The following RPS3 variants were observed in gnomAD, a reference collection of about 807,000 sequenced individuals.
RPS3 encodes ribosomal protein S3.
RPS3 carries 2 observed loss-of-function variants against 25.8 expected under a neutral mutation model. The observed-to-expected ratio is 0.08, with a 90% CI of 0.03 to 0.24. RPS3 has a LOEUF of 0.24. Among genes scored for constraint, RPS3 ranks in the 10% least tolerant of loss-of-function variants. The probability of loss-of-function intolerance (pLI) is 1.00; values close to 1 mark genes in which losing one functional copy is unlikely to be tolerated. For synonymous variants in RPS3, 114 were observed against 114.2 expected (o/e 1.00, Z 0.01); for missense variants, 107 against 307.1 (o/e 0.35, Z 4.87).
At chr11:75,401,906 A>T in intron 3 of RPS3, 173 bp downstream of exon 3, 2 of 591,392 alleles carry the variant, frequency 3.4e-6, no homozygotes, top group South Asian at 4.3e-5. Flanking sequence ...CTAATGGCTG[A>T]TGGTTAAAGG....
At chr11:75,403,748 GGTTTCTTT>G in intron 4 of RPS3, 1 of 336,894 alleles carries the variant, frequency 3.0e-6, no homozygotes, top group Non-Finnish European at 5.4e-6. Context: ...TAGATGTCAG[GGTTTCTTT>G]TGTTTTTTAT....
chr11:75,404,342 G>A lies in RPS3; in HGVS notation c.538+135G>A, dbSNP rs1592024026. 1.6e-5 allele frequency: 14 copies of A among 879,456 alleles called. No individual in the cohort carries two copies. The East Asian group carries it at 2.4e-4, about 15-fold the overall frequency. The allele number at this position is 879,456 out of a possible 1,614,324, so 54.5% of individuals were successfully genotyped here. A position where few individuals can be genotyped will look rare whatever the true frequency, so the allele number is the denominator to read the frequency against. ...TATTCCTTGGTGTATCGATTGCCAC[G>A]TTGATCTGTAAGAATCGATTTGCTG... On this transcript the variant is annotated intron_variant, in intron 5 of 6. Coordinates refer to ENST00000531188, the MANE Select transcript of RPS3 (RefSeq NM_001005.5). This position sits in a 1 kb window ranked among gnomAD's most constrained non-coding sequence, Gnocchi z 4.6.
At chr11:75,407,815 C>T (rs780767944), downstream of RPS3, among the ~76,000 whole-genome samples, 7 of 152,126 alleles carry the variant, frequency 4.6e-5, no homozygotes, top group South Asian at 2.1e-4. Context: ...TGTACTGTGC[C>T]GTATATTAGA....
intron 1 of RPS3, 187 bp from the exon 2 acceptor site, chr11:75,400,507 A>G (rs754720594): frequency 6.0e-6 from 5 of 826,916 alleles, no homozygotes; most frequent in Non-Finnish European, 1.0e-5. Context: ...GTAATTTCCT[A>G]AAGATGACTT....
At chr11:75,399,948 A>G (rs1475283587) in intron 1 of RPS3, 3 of 342,182 alleles carry the variant, frequency 8.8e-6, no homozygotes, top group Non-Finnish European at 1.1e-5. Flanking sequence ...TTCTTGCCTT[A>G]ACTGGTCGTT....
chr11:75,422,206 G>A, exon 7 of RPS3: 1 of 172,682 alleles, frequency 5.8e-6, no homozygotes, highest in Non-Finnish European at 1.2e-5. Context: ...TATTTAGGAA[G>A]CAGAGAGCCC....
Position 75,404,035 on chromosome 11 carries a change from G to C in RPS3, c.366G>C (p.Val122=), listed in dbSNP as rs371917914. The C allele has an allele frequency of 6.2e-7, 1 of 1,612,528 alleles. No homozygotes were observed. The highest frequency in any genetic ancestry group is 1.7e-5 in the Admixed American group (1 of 59,994). The change falls in exon 5 of 7, where the codon GTG becomes GTC. Residue 122 remains valine (V), a synonymous_variant. Transcript: ENST00000531188. The surrounding 1 kb of genome is among the most constrained non-coding windows in gnomAD (Gnocchi z 4.6). ...GLAVRRACYG[V]LRFIMESGAK... is the part of the protein sequence containing the mutation. ...TCTTTTAAAGGGCCTGCTATGGTGT[G>C]CTGCGGTTCATCATGGAGAGTGGGG...
chr11:75,404,901 A>G lies in RPS3; in HGVS notation c.*3+33A>G, dbSNP rs1948263199. ...TGCAAGGGCAGGGGCCTCTTGGGGC[A>G]TAATAGGGTCCTTCCGAGTCTTTCT... On this transcript the variant is annotated intron_variant, in intron 6 of 6. Transcript: ENST00000531188. This position sits in a 1 kb window ranked among gnomAD's most constrained non-coding sequence, Gnocchi z 4.6. 7.0e-7 allele frequency: 1 copy of G among 1,430,190 alleles called. No individual in the cohort carries two copies. The highest frequency in any genetic ancestry group is 9.5e-7 in the Non-Finnish European group (1 of 1,048,072). 88.6% of individuals were successfully genotyped at this position (1,430,190 alleles called of 1,614,324 possible).
rs11546234 is a variant in RPS3, at chr11:75,402,367, G to T, written c.271G>T (p.Val91Leu). The change falls in exon 4 of 7, where the codon GTG becomes TTG. Residue 91 changes from valine (V) to leucine (L), a missense_variant. Val to Leu is a conservative substitution (Grantham distance 32, BLOSUM62 1). Transcript: ENST00000531188. ...TCCTTTAAAGCTTTATGCTGAAAAGGTGGCCACTAGAGGTCTGTGTGCCAT... is the reference window on the plus strand; with the variant it reads ...TCCTTTAAAGCTTTATGCTGAAAAGTTGGCCACTAGAGGTCTGTGTGCCAT... ...EGSVELYAEK[V>L]ATRGLCAIAQ... The T allele has an allele frequency of 6.2e-7, 1 of 1,613,876 alleles. No individual in the cohort carries two copies. The highest frequency in any genetic ancestry group is 1.3e-5 in the African/African-American group (1 of 75,062).
At chr11:75,413,303 C>T (rs952393595) in intron 6 of RPS3, among the ~76,000 whole-genome samples, 3 of 151,788 alleles carry the variant, frequency 2.0e-5, no homozygotes, top group South Asian at 4.1e-4. Flanking sequence ...TGCGGTGGTG[C>T]GATCTCGACT....
intron 6 of RPS3, among the ~76,000 whole-genome samples, chr11:75,419,846 C>T (rs1948428360): frequency 6.6e-6 from 1 of 152,152 alleles, no homozygotes; most frequent in South Asian, 2.1e-4. Flanking sequence ...GTTAGCCAGG[C>T]TGGTCTTGAA....
At position 75,405,777 on chromosome 11, in the gene RPS3, T is replaced by G. The variant is rs1420389612; in HGVS notation, c.*167T>G. Reference sequence around the variant, plus strand: ...ATATCTTCTTGGTTTTAACCATACTTGTGGTATTTGCAAGGGCCAGAACAG... The same window carrying G: ...ATATCTTCTTGGTTTTAACCATACTGGTGGTATTTGCAAGGGCCAGAACAG... On this transcript the variant is annotated 3_prime_UTR_variant, in exon 7 of 7. Coordinates refer to ENST00000531188, the MANE Select transcript of RPS3 (RefSeq NM_001005.5). 7.6e-6 allele frequency: 3 copies of G among 392,938 alleles called. No homozygotes were observed. The highest frequency in any genetic ancestry group is 6.3e-5 in the African/African-American group (3 of 47,494). The allele number at this position is 392,938 out of a possible 1,614,324, so 24.3% of individuals were successfully genotyped here.
chr11:75,402,584 T>A, intron 4 of RPS3, 138 bp downstream of exon 4: 3 of 860,280 alleles, frequency 3.5e-6, no homozygotes. Flanking sequence ...AGATACTAAG[T>A]CATGCCCTCA....
At chr11:75,407,591 C>T (rs1172292603), downstream of RPS3, among the ~76,000 whole-genome samples, 1 of 152,210 alleles carries the variant, frequency 6.6e-6, no homozygotes, top group Non-Finnish European at 1.5e-5. Context: ...ACCTCAGCCT[C>T]CCGAGTAGCT....
chr11:75,409,335 T>A (rs1208253632), downstream of RPS3, among the ~76,000 whole-genome samples: 1 of 137,338 alleles, frequency 7.3e-6, no homozygotes, highest in Non-Finnish European at 1.6e-5. Flanking sequence ...CCCTGCGGCC[T>A]TCCGCAGTGT....
rs1393434372 is a variant in RPS3, at chr11:75,406,315, A to AT, written c.*711dup. 2 of 152,194 alleles carry AT rather than the reference A, an allele frequency of 1.3e-5. No homozygotes were observed. Among genetic ancestry groups the AT allele is most frequent in the Non-Finnish European group, 2.9e-5 (2 of 68,018 alleles). The allele number at this position is 152,194 out of a possible 1,614,324, so 9.4% of individuals were successfully genotyped here. ...TGTACTTCACAAGAAATTCGGCACT[A>AT]TTTTTTCAGGCAAAACTAGTGAGGG... On this transcript the variant is annotated 3_prime_UTR_variant, in exon 7 of 7. Transcript: ENST00000531188.
chr11:75,403,936 T>C, intron 4 of RPS3, 84 bp from the exon 5 acceptor site: 2 of 1,352,706 alleles, frequency 1.5e-6, no homozygotes, highest in South Asian at 2.7e-5. Flanking sequence ...AAAGGAACAT[T>C]GAAAACCAAG....
downstream of RPS3, chr11:75,407,060 A>G (rs1434601478): frequency 6.6e-6 from 1 of 152,192 alleles, no homozygotes; most frequent in South Asian, 2.1e-4. Context: ...TTGTGCATCA[A>G]TCTCCAGAAC....
chr11:75,399,726 G>A, intron 1 of RPS3, 149 bp downstream of exon 1: 1 of 679,380 alleles, frequency 1.5e-6, no homozygotes, highest in Admixed American at 2.9e-5. Context: ...GATGGCGGTG[G>A]ATTGAGTGAG....
Sources: allele counts gnomAD v4.1 joint callset (sites outside exome capture counted in the v4.1 genomes callset), GRCh38; gene constraint gnomAD v4.1.1; non-coding constraint Gnocchi (gnomAD v3.1); transcripts MANE v1.5; gene names NCBI Gene and HGNC (gene_info 2026-07-23, HGNC 2026-07-21).